The following RGS6 variants were observed in gnomAD, a reference collection of about 807,000 sequenced individuals.
The protein encoded by RGS6 is regulator of G protein signaling 6.
In RGS6, 30 loss-of-function variants were observed where a neutral mutation model predicts 78.5. The ratio of observed to expected loss-of-function variants is 0.38; its 90% confidence interval spans 0.29 to 0.52. RGS6 has a LOEUF of 0.52. Among genes scored for constraint, RGS6 ranks in the 20% least tolerant of loss-of-function variants. The pLI is 0.85. For missense variants in RGS6, 495 were observed against 609.7 expected, an observed-to-expected ratio of 0.81 and a Z score of 1.98; for synonymous variants, 206 against 206.0, an observed-to-expected ratio of 1.00 and a Z score of 0.00.
chr14:72,505,365 C>G (rs10146324), intron 13 of RGS6, among the ~76,000 whole-genome samples: 2,065 of 152,246 alleles, frequency 0.014, 42 homozygotes, highest in African/African-American at 0.047. Context: ...TGGCTGTCTT[C>G]CTGCTGTGTC....
At chr14:72,052,935 TTC>T (rs1462087342) in intron 2 of RGS6, among the ~76,000 whole-genome samples, 1 of 29,474 alleles carries the variant, frequency 3.4e-5, no homozygotes, top group Admixed American at 4.1e-4. Context: ...TTTTCTTTCT[TTC>T]TTTCTTTCTT....
At chr14:72,064,442 G>C (rs1054331252) in intron 2 of RGS6, among the ~76,000 whole-genome samples, 1 of 152,156 alleles carries the variant, frequency 6.6e-6, no homozygotes, top group Admixed American at 6.5e-5. Context: ...TGCATGGTTG[G>C]GGAAAAATGT....
chr14:72,541,073 C>G (rs761272337), intron 17 of RGS6: 16 of 1,352,174 alleles, frequency 1.2e-5, no homozygotes, highest in Non-Finnish European at 1.6e-5. Flanking sequence ...CGGGGCCCAT[C>G]CTGTACCATG....
the RGS6 span, among the ~76,000 whole-genome samples, chr14:72,579,101 A>T: frequency 0.61 from 93,151 of 152,056 alleles, 30,516 homozygotes; most frequent in East Asian, 0.9. Flanking sequence ...TCAGTCAGTC[A>T]GTCTCTGTCT....
intron 2 of RGS6, among the ~76,000 whole-genome samples, chr14:72,272,878 G>T (rs1284740364): frequency 6.6e-6 from 1 of 152,238 alleles, no homozygotes; most frequent in Non-Finnish European, 1.5e-5. Context: ...ACTTAGGGAG[G>T]CCAAGGCGGG....
intron 2 of RGS6, among the ~76,000 whole-genome samples, chr14:71,988,307 C>G (rs111471083): frequency 0.031 from 4,660 of 152,244 alleles, 235 homozygotes; most frequent in African/African-American, 0.1. Flanking sequence ...ACAAAAGTCT[C>G]CTATGGCTGA....
chr14:72,454,419 C>G (rs537115225), intron 3 of RGS6, 109 bp from the exon 4 acceptor site: 6 of 1,137,418 alleles, frequency 5.3e-6, no homozygotes, highest in South Asian at 3.7e-5. Context: ...TTATCCTGCT[C>G]TACAGTGTGG....
At chr14:72,111,693 A>G (rs995536775) in intron 2 of RGS6, among the ~76,000 whole-genome samples, 1 of 152,192 alleles carries the variant, frequency 6.6e-6, no homozygotes, top group South Asian at 2.1e-4. Flanking sequence ...AGAGGTTACC[A>G]TCTTCACAAG....
At chr14:71,936,041 T>TATATATATATATAC (rs1555390355) in intron 1 of RGS6, among the ~76,000 whole-genome samples, 2 of 127,710 alleles carry the variant, frequency 1.6e-5, no homozygotes, top group African/African-American at 5.5e-5. Flanking sequence ...TATATATATA[T>TATATATATATATAC]GTACATATAT....
At chr14:72,499,198 A>C (rs1240638884) in intron 13 of RGS6, among the ~76,000 whole-genome samples, 1 of 152,192 alleles carries the variant, frequency 6.6e-6, no homozygotes, top group Non-Finnish European at 1.5e-5. Context: ...AAAGCCAATG[A>C]GAGGTGGGGA....
At chr14:71,945,311 T>G (rs1023222041) in intron 1 of RGS6, among the ~76,000 whole-genome samples, 1 of 152,224 alleles carries the variant, frequency 6.6e-6, no homozygotes, top group Non-Finnish European at 1.5e-5. Flanking sequence ...CAGGGACTCT[T>G]TTATTTCCTG....
At chr14:72,390,050 G>T (rs958564877) in intron 3 of RGS6, among the ~76,000 whole-genome samples, 2 of 145,010 alleles carry the variant, frequency 1.4e-5, no homozygotes, top group Admixed American at 1.4e-4. Context: ...TAAAATAAAT[G>T]AATACCAAAT....
chr14:72,435,649 C>T (rs941187945), intron 3 of RGS6, among the ~76,000 whole-genome samples: 4 of 152,064 alleles, frequency 2.6e-5, no homozygotes, highest in African/African-American at 7.2e-5. Context: ...TCTAGCTTCT[C>T]GAGGTCGCCT....
intron 2 of RGS6, among the ~76,000 whole-genome samples, chr14:72,213,885 T>A (rs749271469): frequency 4.7e-4 from 72 of 152,186 alleles, no homozygotes; most frequent in Non-Finnish European, 1.0e-3. Context: ...TTGACACTAC[T>A]CTCTATATTT....
intron 2 of RGS6, among the ~76,000 whole-genome samples, chr14:72,191,204 T>C (rs981606252): frequency 6.6e-6 from 1 of 152,172 alleles, no homozygotes; most frequent in African/African-American, 2.4e-5. Flanking sequence ...TAAGGGAATG[T>C]CAAAAAAGTC....
chr14:72,076,078 T>C (rs2094563418), intron 2 of RGS6, among the ~76,000 whole-genome samples: 1 of 152,198 alleles, frequency 6.6e-6, no homozygotes, highest in African/African-American at 2.4e-5. Context: ...GGAGACCACA[T>C]GTGACTTGAC....
At chr14:72,612,644 T>G in the RGS6 span, 2 of 518,014 alleles carry the variant, frequency 3.9e-6, no homozygotes, top group African/African-American at 3.9e-5. Flanking sequence ...GGAGTAGACA[T>G]GGAAGGGCAA....
intron 3 of RGS6, among the ~76,000 whole-genome samples, chr14:72,419,020 C>G (rs2094008671): frequency 6.6e-6 from 1 of 152,222 alleles, no homozygotes; most frequent in African/African-American, 2.4e-5. Context: ...GGAGCCCACC[C>G]AGGGAGCGGG....
At chr14:72,286,208 A>G (rs2062519120) in intron 2 of RGS6, among the ~76,000 whole-genome samples, 1 of 152,208 alleles carries the variant, frequency 6.6e-6, no homozygotes, top group Non-Finnish European at 1.5e-5. Context: ...GTAAGCATTC[A>G]ATTTCATTCT....
Sources: allele counts gnomAD v4.1 joint callset (sites outside exome capture counted in the v4.1 genomes callset), GRCh38; gene constraint gnomAD v4.1.1; transcripts MANE v1.5; gene names NCBI Gene and HGNC (gene_info 2026-07-23, HGNC 2026-07-21).